The following CNTN5 variants were observed in gnomAD, a reference collection of about 807,000 sequenced individuals.
CNTN5 encodes the protein contactin 5, also known as contactin-5.
CNTN5 carries 77 observed loss-of-function variants against 129.1 expected under a neutral mutation model. That is an observed-to-expected ratio of 0.60 (90% CI 0.50 to 0.72). The LOEUF (loss-of-function observed/expected upper bound fraction) is 0.72, where lower values mean the gene tolerates loss of function less well. Ranked by LOEUF, CNTN5 falls within the 30% of genes least tolerant of loss-of-function variation. CNTN5 has a pLI of 0.00. For synonymous variants in CNTN5, 509 were observed against 465.6 expected, an observed-to-expected ratio of 1.09 and a Z score of -1.20; for missense variants, 1,478 against 1,328.8, an observed-to-expected ratio of 1.11 and a Z score of -1.75.
chr11:99,757,086 A>G (rs1227687708), intron 3 of CNTN5, among the ~76,000 whole-genome samples: 1 of 152,072 alleles, frequency 6.6e-6, no homozygotes, highest in Non-Finnish European at 1.5e-5. Flanking sequence ...TCTCAGATCA[A>G]GGAGTCAGCA....
intron 13 of CNTN5, among the ~76,000 whole-genome samples, chr11:100,127,151 GCTGGTCTCAAACCT>G (rs1312517428): frequency 7.2e-6 from 1 of 139,736 alleles, no homozygotes; most frequent in East Asian, 2.1e-4. Flanking sequence ...TGCTGCCCGA[GCTGGTCTCAAACCT>G]CTGGTCTCAA....
intron 18 of CNTN5, among the ~76,000 whole-genome samples, chr11:100,280,840 C>T (rs1252997051): frequency 6.6e-6 from 1 of 151,714 alleles, no homozygotes. Context: ...TTGTGTATCC[C>T]TTGTAAGTTT....
chr11:99,812,767 A>G (rs147978841), intron 3 of CNTN5, among the ~76,000 whole-genome samples: 2 of 152,270 alleles, frequency 1.3e-5, no homozygotes, highest in Non-Finnish European at 2.9e-5. Flanking sequence ...CGTGGCCAAG[A>G]TGGAGGAGGA....
rs1003781692 is a variant in CNTN5, at chr11:99,698,973, A to G, written c.56-120571A>G. 6.0e-5 allele frequency among the ~76,000 whole-genome samples: 9 copies of G among 151,102 alleles called. No individual in the cohort carries two copies. In the South Asian group the frequency reaches 1.2e-3, roughly 21 times the overall value. ...TTCCAAAGAGGGAGCTACTCTTGTGAGCATAAAAATTAAAACTTTTTTTTC... is the reference window on the plus strand; with the variant it reads ...TTCCAAAGAGGGAGCTACTCTTGTGGGCATAAAAATTAAAACTTTTTTTTC... On this transcript the variant is annotated intron_variant, in intron 3 of 24. Coordinates refer to ENST00000524871, the MANE Select transcript of CNTN5 (RefSeq NM_014361.4).
intron 6 of CNTN5, among the ~76,000 whole-genome samples, chr11:99,906,352 G>C (rs954848931): frequency 6.6e-6 from 1 of 151,996 alleles, no homozygotes; most frequent in Non-Finnish European, 1.5e-5. Context: ...TGAAGGGGTG[G>C]GGTGTTGAAT....
At chr11:99,369,303 G>A (rs1591584685) in intron 2 of CNTN5, among the ~76,000 whole-genome samples, 2 of 114,706 alleles carry the variant, frequency 1.7e-5, no homozygotes, top group East Asian at 5.1e-4. Flanking sequence ...TAGATATACA[G>A]TCAAGAAGGA....
At position 99,918,703 on chromosome 11, in the gene CNTN5, G is replaced by A. The variant is rs141786444; in HGVS notation, c.673+2554G>A. ...GTATAGCATAGTGTACTATAGTAGA[G>A]TATAAGTCAGATACAAAAGAATTTC... On this transcript the variant is annotated intron_variant, in intron 7 of 24. Coordinates refer to ENST00000524871, the MANE Select transcript of CNTN5 (RefSeq NM_014361.4). Among the ~76,000 whole-genome samples, 593 of 152,286 alleles carry A rather than the reference G, an allele frequency of 3.9e-3. 1 individual carries two copies. The highest frequency in any genetic ancestry group is 6.2e-3 in the Non-Finnish European group (423 of 68,026).
intron 3 of CNTN5, among the ~76,000 whole-genome samples, chr11:99,660,621 A>AT (rs1164767482): frequency 1.3e-5 from 2 of 152,102 alleles, no homozygotes; most frequent in Non-Finnish European, 2.9e-5. Context: ...GGATTTATGT[A>AT]TTTTTGGTAG....
chr11:99,098,867 G>T (rs991082055), intron 1 of CNTN5, among the ~76,000 whole-genome samples: 4 of 152,058 alleles, frequency 2.6e-5, no homozygotes, highest in Non-Finnish European at 5.9e-5. Flanking sequence ...CTGCTTCTCA[G>T]CTGTCTTTAG....
chr11:100,254,486 C>T (rs147883405), intron 16 of CNTN5, among the ~76,000 whole-genome samples: 56 of 152,294 alleles, frequency 3.7e-4, no homozygotes, highest in African/African-American at 9.4e-4. Context: ...CCTTTGCCCA[C>T]GATTCCAACT....
intron 1 of CNTN5, among the ~76,000 whole-genome samples, chr11:99,311,449 A>T (rs987689693): frequency 3.3e-5 from 5 of 152,086 alleles, no homozygotes; most frequent in Non-Finnish European, 7.4e-5. Context: ...GAGGAGTGAC[A>T]ATTTAGGACA....
At chr11:99,057,800 G>A (rs1034393180) in intron 1 of CNTN5, among the ~76,000 whole-genome samples, 19 of 151,020 alleles carry the variant, frequency 1.3e-4, no homozygotes, top group African/African-American at 4.7e-4. Context: ...GTGTGTGTGT[G>A]TGTGTGTGTG....
intron 2 of CNTN5, among the ~76,000 whole-genome samples, chr11:99,385,148 GTGAAAACCT>G (rs1311836731): frequency 6.6e-6 from 1 of 151,196 alleles, no homozygotes; most frequent in African/African-American, 2.4e-5. Flanking sequence ...TCATTTTGTA[GTGAAAACCT>G]TTTGCATTCA....
intron 2 of CNTN5, among the ~76,000 whole-genome samples, chr11:99,500,945 T>C (rs767102237): frequency 6.6e-6 from 1 of 152,238 alleles, no homozygotes; most frequent in Non-Finnish European, 1.5e-5. Flanking sequence ...CTGTAATCTG[T>C]ATGCCTTTTG....
intron 13 of CNTN5, among the ~76,000 whole-genome samples, chr11:100,128,215 A>G (rs1048375212): frequency 3.3e-5 from 5 of 152,046 alleles, no homozygotes; most frequent in African/African-American, 1.2e-4. Context: ...TCTCAACCTC[A>G]TTCCTAAACT....
intron 21 of CNTN5, among the ~76,000 whole-genome samples, chr11:100,314,984 C>A (rs505427): frequency 0.48 from 73,714 of 152,042 alleles, 20,500 homozygotes; most frequent in East Asian, 0.92. Context: ...ACAATAAATA[C>A]AACTGAGTTC....
At position 99,342,571 on chromosome 11, in the gene CNTN5, C is replaced by CAAAAAAAAAAAAAAAAAA. The variant is rs58710723; in HGVS notation, c.-71+17101_-71+17118dup. Among the ~76,000 whole-genome samples, 4 of 24,514 alleles carry CAAAAAAAAAAAAAAAAAA rather than the reference C, an allele frequency of 1.6e-4. 1 individual carries two copies. The highest frequency in any genetic ancestry group is 2.6e-4 in the Non-Finnish European group (4 of 15,614). The allele number at this position is 24,514 out of a possible 152,430, so 16.1% of individuals were successfully genotyped here. A position where few individuals can be genotyped will look rare whatever the true frequency, so the allele number is the denominator to read the frequency against. The stretch of plus-strand genomic sequence containing the variant: ...GCAACATGGCGAAACCCCGTTATCT[C>CAAAAAAAAAAAAAAAAAA]AAAAAAAAAAAAAAAAAAAAAAAAA... On this transcript the variant is annotated intron_variant, in intron 2 of 24. Transcript: ENST00000524871.
rs183550183 is a variant in CNTN5 at position 99,919,491 on chromosome 11, C to A, written c.673+3342C>A. 1.4e-3 allele frequency among the ~76,000 whole-genome samples: 212 copies of A among 152,246 alleles called. 1 individual carries two copies. Among genetic ancestry groups the A allele is most frequent in the African/African-American group, 5.0e-3 (209 of 41,566 alleles). ...TCCCTTTACAGTAAAACTTCAAAAA[C>A]TTTGTCTTTATATACTCTATCCAAT... On this transcript the variant is annotated intron_variant, in intron 7 of 24. Transcript: ENST00000524871.
At chr11:99,527,438 AT>A (rs991883721) in intron 2 of CNTN5, among the ~76,000 whole-genome samples, 2 of 152,134 alleles carry the variant, frequency 1.3e-5, no homozygotes, top group African/African-American at 4.8e-5. Flanking sequence ...ATAAATTATA[AT>A]TTCTTTAAAA....
Sources: gnomAD v4.1 joint callset for allele counts (sites outside exome capture counted in the v4.1 genomes callset) on GRCh38, gnomAD v4.1.1 for gene constraint, MANE v1.5 for transcripts, NCBI Gene and HGNC (gene_info 2026-07-23, HGNC 2026-07-21) for gene names.